The following LRBA variants were observed in gnomAD, a reference collection of about 807,000 sequenced individuals.
The protein encoded by LRBA is LPS responsive beige-like anchor protein, also known as lipopolysaccharide-responsive and beige-like anchor protein.
LRBA carries 176 observed loss-of-function variants against 330.0 expected under a neutral mutation model. That is an observed-to-expected ratio of 0.53 (90% CI 0.47 to 0.60). LRBA has a LOEUF of 0.60. Ranked by LOEUF, LRBA falls within the 20% of genes least tolerant of loss-of-function variation. The pLI, the probability that LRBA is intolerant of heterozygous loss-of-function variation, is 0.00. For missense variants in LRBA, 3,259 were observed against 3,444.8 expected (o/e 0.95, Z 1.35); for synonymous variants, 1,230 against 1,193.0 (o/e 1.03, Z -0.64).
intron 37 of LRBA, among the ~76,000 whole-genome samples, chr4:150,628,721 A>G (rs545734864): frequency 6.6e-6 from 1 of 152,346 alleles, no homozygotes; most frequent in East Asian, 1.9e-4. Flanking sequence ...TTAACCTGTT[A>G]CTTCCATTGA....
chr4:150,975,460 A>C (rs1306386634), intron 2 of LRBA, among the ~76,000 whole-genome samples: 1 of 151,600 alleles, frequency 6.6e-6, no homozygotes, highest in African/African-American at 2.4e-5. Flanking sequence ...CGGGAGACGG[A>C]GGTTGCAGTG....
intron 47 of LRBA, among the ~76,000 whole-genome samples, chr4:150,366,401 G>A (rs1739472396): frequency 6.6e-6 from 1 of 152,126 alleles, no homozygotes; most frequent in African/African-American, 2.4e-5. Context: ...CAACTCATAG[G>A]ATGCAGTTAT....
At chr4:150,380,335 G>C (rs1742024882) in intron 47 of LRBA, among the ~76,000 whole-genome samples, 1 of 152,112 alleles carries the variant, frequency 6.6e-6, no homozygotes, top group African/African-American at 2.4e-5. Context: ...CTAATTCTTA[G>C]CAGTTAAGAA....
intron 37 of LRBA, among the ~76,000 whole-genome samples, chr4:150,660,981 T>C (rs1781016818): frequency 8.4e-6 from 1 of 119,514 alleles, no homozygotes; most frequent in Non-Finnish European, 1.7e-5. Context: ...CTTTGTTCAC[T>C]TGTTTATCTG....
rs80122219 is a variant in LRBA at position 150,499,134 on chromosome 4, T to C, written c.6331-8099A>G. Among the ~76,000 whole-genome samples the C allele has an allele frequency of 2.8e-4, 43 of 152,318 alleles. No individual in the cohort carries two copies. The East Asian group carries it at 8.1e-3, about 29-fold the overall frequency. On this transcript the variant is annotated intron_variant, in intron 40 of 56. Transcript: ENST00000651943. Reference sequence around the variant, plus strand: ...CACTGCTTTGGCTAAATTTCTATACTCAAAATAATTTTTGCACCTTTATGC... The same window carrying C: ...CACTGCTTTGGCTAAATTTCTATACCCAAAATAATTTTTGCACCTTTATGC...
At chr4:150,686,352 A>G (rs1444787020) in intron 36 of LRBA, among the ~76,000 whole-genome samples, 1 of 152,238 alleles carries the variant, frequency 6.6e-6, no homozygotes, top group African/African-American at 2.4e-5. Context: ...CATACGCTAT[A>G]TTTTTAAAAA....
At chr4:150,841,048 CT>C in intron 28 of LRBA, 1 of 1,153,330 alleles carries the variant, frequency 8.7e-7, no homozygotes, top group Non-Finnish European at 1.1e-6. Flanking sequence ...GTAATGACTT[CT>C]TAGTCTGTTG....
intron 30 of LRBA, among the ~76,000 whole-genome samples, chr4:150,822,227 A>G (rs952957793): frequency 4.6e-5 from 7 of 152,050 alleles, no homozygotes; most frequent in Non-Finnish European, 7.4e-5. Flanking sequence ...ATTTCAATAA[A>G]CCCCTTAAAA....
chr4:150,806,671 C>T (rs1742842084), intron 32 of LRBA, among the ~76,000 whole-genome samples: 2 of 152,002 alleles, frequency 1.3e-5, no homozygotes. Context: ...CTCACCTGGC[C>T]AGTTAAGAGC....
At chr4:150,696,857 T>C (rs1324047730) in intron 36 of LRBA, among the ~76,000 whole-genome samples, 1 of 122,530 alleles carries the variant, frequency 8.2e-6, no homozygotes, top group South Asian at 2.7e-4. Flanking sequence ...AAAAAAAAAA[T>C]ACAAAAATTA....
chr4:150,725,059 T>C (rs960068437), intron 36 of LRBA, among the ~76,000 whole-genome samples: 3 of 150,756 alleles, frequency 2.0e-5, no homozygotes, highest in Non-Finnish European at 3.0e-5. Context: ...TGAAAATACA[T>C]AGAGGAGAGA....
chr4:150,460,025 A>G (rs1754569402), intron 44 of LRBA, among the ~76,000 whole-genome samples: 1 of 151,794 alleles, frequency 6.6e-6, no homozygotes, highest in South Asian at 2.1e-4. Flanking sequence ...AACACCTAAC[A>G]AGTTTAAACA....
intron 37 of LRBA, among the ~76,000 whole-genome samples, chr4:150,660,141 T>C (rs865838825): frequency 2.8e-3 from 18 of 6,354 alleles, no homozygotes; most frequent in African/African-American, 3.6e-3. Flanking sequence ...GGGTCAGCCC[T>C]CCGCCCGGCC....
At chr4:150,520,768 G>A (rs995460675) in intron 40 of LRBA, among the ~76,000 whole-genome samples, 2 of 152,124 alleles carry the variant, frequency 1.3e-5, no homozygotes, top group Admixed American at 6.5e-5. Context: ...GGGAACAAGA[G>A]ACACTGGGGC....
Position 150,599,145 on chromosome 4 carries a change from G to A in LRBA, c.5922-14C>T. On this transcript the variant is annotated splice_polypyrimidine_tract_variant and intron_variant, in intron 37 of 56. Coordinates refer to ENST00000651943, the MANE Select transcript of LRBA (RefSeq NM_001364905.1). ...TCAAGAGGACGACTACAATGAAACAGAGAAGCCACATATGTTAGCAATTAT... is the reference window on the plus strand; with the variant it reads ...TCAAGAGGACGACTACAATGAAACAAAGAAGCCACATATGTTAGCAATTAT... 1.9e-6 allele frequency: 3 copies of A among 1,613,542 alleles called. No individual in the cohort carries two copies. Among genetic ancestry groups the A allele is most frequent in the Non-Finnish European group, 2.5e-6 (3 of 1,179,796 alleles).
intron 36 of LRBA, among the ~76,000 whole-genome samples, chr4:150,723,926 A>C (rs991429119): frequency 6.6e-6 from 1 of 152,210 alleles, no homozygotes; most frequent in African/African-American, 2.4e-5. Context: ...GCCTGAAGGA[A>C]TCCCCTGTGG....
intron 37 of LRBA, among the ~76,000 whole-genome samples, chr4:150,645,976 A>G (rs1267005822): frequency 6.6e-6 from 1 of 150,960 alleles, no homozygotes; most frequent in East Asian, 1.9e-4. Flanking sequence ...AATTTTATCA[A>G]TAAAAATATA....
intron 51 of LRBA, chr4:150,310,917 A>G (rs757224049): frequency 1.3e-5 from 2 of 152,346 alleles, no homozygotes; most frequent in Non-Finnish European, 2.9e-5. Flanking sequence ...CCTGTTTACA[A>G]CTGCACTTGC....
intron 46 of LRBA, among the ~76,000 whole-genome samples, chr4:150,417,122 G>A (rs1747882320): frequency 6.6e-6 from 1 of 151,978 alleles, no homozygotes; most frequent in Non-Finnish European, 1.5e-5. Flanking sequence ...TATATACAAA[G>A]TGATTTTTAA....
Sources: gnomAD v4.1 joint callset for allele counts (sites outside exome capture counted in the v4.1 genomes callset) on GRCh38, gnomAD v4.1.1 for gene constraint, MANE v1.5 for transcripts, NCBI Gene and HGNC (gene_info 2026-07-23, HGNC 2026-07-21) for gene names.